Variants in AGBL1 observed in about 807,000 individuals in gnomAD.
AGBL1 encodes cytosolic carboxypeptidase 4.
A neutral mutation model predicts 118.9 loss-of-function variants in AGBL1; 130 were observed. The ratio of observed to expected loss-of-function variants is 1.09; its 90% CI spans 0.95 to 1.26. AGBL1 has a LOEUF of 1.26. Ranked by LOEUF, AGBL1 falls within the 50% of genes most tolerant of loss-of-function variation. The probability of loss-of-function intolerance (pLI) is 0.00; values close to 1 mark genes in which losing one functional copy is unlikely to be tolerated. For synonymous variants in AGBL1, 555 were observed against 478.9 expected (o/e 1.16, Z -2.08); for missense variants, 1,584 against 1,298.1 (o/e 1.22, Z -3.38).
At chr15:86,900,311 T>G (rs2080193168) in intron 22 of AGBL1, among the ~76,000 whole-genome samples, 1 of 152,162 alleles carries the variant, frequency 6.6e-6, no homozygotes, top group Non-Finnish European at 1.5e-5. Flanking sequence ...TCTGTCCCTT[T>G]AGAGAACCCT....
At chr15:86,624,125 G>A (rs1472558998) in intron 21 of AGBL1, among the ~76,000 whole-genome samples, 1 of 152,326 alleles carries the variant, frequency 6.6e-6, no homozygotes, top group East Asian at 1.9e-4. Flanking sequence ...TGTGTGAATA[G>A]CATCATCTAA....
At chr15:86,417,775 C>T (rs1040127552) in intron 18 of AGBL1, among the ~76,000 whole-genome samples, 1 of 152,106 alleles carries the variant, frequency 6.6e-6, no homozygotes, top group African/African-American at 2.4e-5. Context: ...ATGTTCAGAG[C>T]CCAGGAATAT....
At chr15:86,712,226 A>G (rs1018068499) in intron 22 of AGBL1, among the ~76,000 whole-genome samples, 1 of 152,166 alleles carries the variant, frequency 6.6e-6, no homozygotes, top group Non-Finnish European at 1.5e-5. Flanking sequence ...GATTTAGGGT[A>G]GAAATAATTA....
rs771044459 is a variant in AGBL1 at position 86,264,625 on chromosome 15, C to G, written c.1454C>G (p.Ser485Cys). Residue 485 changes from serine (S) to cysteine (C), a missense_variant, in exon 11 of 23, where the codon TCC becomes TGC. By Grantham distance (112) the Ser-to-Cys change is moderately radical (BLOSUM62 -1). Coordinates refer to ENST00000614907, the MANE Select transcript of AGBL1 (RefSeq NM_001386094.1). ...AGGATGAGTGCCTCCTTTTCTAATT[C>G]CACTAGGACTAGAGAAGTTGTCAAA... ...CPRMSASFSN[S>C]TRTREVVKVI... 19 of 1,613,612 alleles carry G rather than the reference C, an allele frequency of 1.2e-5. No individual in the cohort carries two copies. In the Admixed American group the frequency reaches 3.2e-4, roughly 27 times the overall value.
intron 6 of AGBL1, among the ~76,000 whole-genome samples, chr15:86,227,958 A>C (rs2078393375): frequency 1.3e-5 from 2 of 152,214 alleles, no homozygotes; most frequent in African/African-American, 4.8e-5. Flanking sequence ...AGCAAGAAAG[A>C]GGACTTCATT....
chr15:86,967,104 T>G (rs1413843784), intron 23 of AGBL1, among the ~76,000 whole-genome samples: 3 of 152,164 alleles, frequency 2.0e-5, no homozygotes, highest in African/African-American at 2.4e-5. Context: ...TCATGTGTCT[T>G]TTGGCTGCAT....
chr15:86,931,570 TGCTGCTGCTGCTGCTGC>T (rs2080604885), intron 23 of AGBL1, among the ~76,000 whole-genome samples: 4 of 14,408 alleles, frequency 2.8e-4, no homozygotes, highest in Non-Finnish European at 6.9e-4. Flanking sequence ...GTGCTTTTGC[TGCTGCTGCTGCTGCTGC>T]TGCTGCTGCT....
intron 22 of AGBL1, among the ~76,000 whole-genome samples, chr15:86,854,484 GC>G (rs1166968128): frequency 6.6e-6 from 1 of 152,176 alleles, no homozygotes; most frequent in African/African-American, 2.4e-5. Context: ...CATCAGGGCT[GC>G]AGGGGAGTCA....
At chr15:86,769,176 G>GAGAGAGAGAGAGAAAGAGGGAGA in intron 22 of AGBL1, among the ~76,000 whole-genome samples, 1 of 66,630 alleles carries the variant, frequency 1.5e-5, no homozygotes, top group Non-Finnish European at 2.6e-5. Flanking sequence ...ATTTTGAGAG[G>GAGAGAGAGAGAGAAAGAGGGAGA]GAGAGAGAGA....
At chr15:86,599,103 A>C (rs1046653757) in intron 21 of AGBL1, among the ~76,000 whole-genome samples, 1 of 152,248 alleles carries the variant, frequency 6.6e-6, no homozygotes, top group East Asian at 1.9e-4. Context: ...TGTCGGGAGA[A>C]TAGTGATTAG....
intron 18 of AGBL1, among the ~76,000 whole-genome samples, chr15:86,522,498 T>G (rs563589914): frequency 1.3e-5 from 2 of 152,330 alleles, no homozygotes; most frequent in South Asian, 4.1e-4. Context: ...CTAGAGAAAT[T>G]TATTAAATGT....
intron 18 of AGBL1, among the ~76,000 whole-genome samples, chr15:86,494,226 T>C (rs1243411095): frequency 6.6e-6 from 1 of 152,242 alleles, no homozygotes; most frequent in Middle Eastern, 3.4e-3. Context: ...ATATGAGGCA[T>C]GGTTGATGTG....
At chr15:86,508,144 G>A (rs374212610) in intron 18 of AGBL1, among the ~76,000 whole-genome samples, 1 of 151,400 alleles carries the variant, frequency 6.6e-6, no homozygotes, top group East Asian at 2.0e-4. Context: ...GGATGATCTC[G>A]ATCTCTTGAC....
Position 86,267,001 on chromosome 15 carries a change from A to G in AGBL1, c.1763A>G (p.Asp588Gly). The change falls in exon 13 of 23, where the codon GAC becomes GGC. Residue 588 changes from aspartate to glycine, a missense_variant. Physicochemically the swap from Asp to Gly is moderately conservative, Grantham distance 94. Coordinates refer to ENST00000614907, the MANE Select transcript of AGBL1 (RefSeq NM_001386094.1). ...FSLDEPWPLQ[D>G]NASNCLRFFS... The stretch of plus-strand genomic sequence containing the variant: ...TTATTTCATTGTAGGCCTTTGCAAG[A>G]CAATGCTTCCAATTGTTTACGGTTC... 1 of 1,569,392 alleles carries G rather than the reference A, an allele frequency of 6.4e-7. No homozygotes were observed. Among genetic ancestry groups the G allele is most frequent in the Non-Finnish European group, 8.7e-7 (1 of 1,155,808 alleles).
chr15:86,291,495 A>G (rs1259419969), intron 16 of AGBL1, among the ~76,000 whole-genome samples: 1 of 152,202 alleles, frequency 6.6e-6, no homozygotes, highest in Non-Finnish European at 1.5e-5. Context: ...GCAATCAAAC[A>G]CACAGGTTAG....
At chr15:86,304,457 A>G (rs1423414399) in intron 17 of AGBL1, among the ~76,000 whole-genome samples, 1 of 152,158 alleles carries the variant, frequency 6.6e-6, no homozygotes, top group African/African-American at 2.4e-5. Context: ...TGACCTTGCT[A>G]CTTTTTTTCT....
At chr15:86,380,257 C>A (rs2081094230) in intron 17 of AGBL1, among the ~76,000 whole-genome samples, 1 of 133,232 alleles carries the variant, frequency 7.5e-6, no homozygotes, top group South Asian at 2.5e-4. Context: ...CCCTCCCTCC[C>A]TTTCTTCCTT....
intron 21 of AGBL1, among the ~76,000 whole-genome samples, chr15:86,611,778 T>C (rs1282571860): frequency 6.6e-6 from 1 of 152,138 alleles, no homozygotes; most frequent in South Asian, 2.1e-4. Flanking sequence ...ACAAGCCTAT[T>C]TGTAAGATAC....
At chr15:86,830,438 C>T (rs1423644474) in intron 22 of AGBL1, among the ~76,000 whole-genome samples, 4 of 152,030 alleles carry the variant, frequency 2.6e-5, no homozygotes, top group African/African-American at 9.7e-5. Flanking sequence ...CATCTACCAC[C>T]AAGGAGGCTT....
Sources: allele counts gnomAD v4.1 joint callset (sites outside exome capture counted in the v4.1 genomes callset), GRCh38; gene constraint gnomAD v4.1.1; transcripts MANE v1.5; gene names NCBI Gene and HGNC (gene_info 2026-07-23, HGNC 2026-07-21).